LEF1: variants seen among roughly 807,000 people sequenced by gnomAD.
The protein encoded by LEF1 is lymphoid enhancer binding factor 1, also known as lymphoid enhancer-binding factor 1.
LEF1 carries 14 observed loss-of-function variants against 51.2 expected under a neutral mutation model. That is an observed-to-expected ratio of 0.27 (90% CI 0.18 to 0.43). The LOEUF (loss-of-function observed/expected upper bound fraction) is 0.43. Ranked by LOEUF, LEF1 falls within the 20% of genes least tolerant of loss-of-function variation. LEF1 has a pLI of 1.00. For synonymous variants in LEF1, 185 were observed against 183.2 expected (o/e 1.01, Z -0.08); for missense variants, 386 against 512.0 (o/e 0.75, Z 2.37).
chr4:108,080,287 C>G (rs931838823), intron 6 of LEF1, among the ~76,000 whole-genome samples: 2 of 152,134 alleles, frequency 1.3e-5, no homozygotes, highest in African/African-American at 2.4e-5. Context: ...CCAGCCAACA[C>G]AAAGGAGGGA....
chr4:108,128,230 G>A (rs1187494060), intron 3 of LEF1, among the ~76,000 whole-genome samples: 1 of 152,072 alleles, frequency 6.6e-6, no homozygotes, highest in Non-Finnish European at 1.5e-5. Context: ...TCTCACCAAG[G>A]AAATTTTACT....
chr4:108,160,616 T>TG (rs1745002901), intron 3 of LEF1, among the ~76,000 whole-genome samples: 1 of 152,216 alleles, frequency 6.6e-6, no homozygotes, highest in Non-Finnish European at 1.5e-5. Flanking sequence ...TAGAAGGATG[T>TG]AATTTGCCAA....
At chr4:108,123,117 T>C (rs1742281088) in intron 3 of LEF1, among the ~76,000 whole-genome samples, 1 of 152,234 alleles carries the variant, frequency 6.6e-6, no homozygotes, top group Admixed American at 6.5e-5. Context: ...GAGGCCTATA[T>C]AGTATGTGCT....
chr4:108,059,162 T>C (rs912983310), intron 11 of LEF1, among the ~76,000 whole-genome samples: 3 of 152,192 alleles, frequency 2.0e-5, no homozygotes, highest in African/African-American at 7.2e-5. Flanking sequence ...CATTTTTTAA[T>C]GCTCAAAAGT....
At chr4:108,087,832 C>T (rs1158321846) in intron 4 of LEF1, among the ~76,000 whole-genome samples, 2 of 152,156 alleles carry the variant, frequency 1.3e-5, no homozygotes, top group African/African-American at 4.8e-5. Flanking sequence ...TTCAAATTCA[C>T]CACGACCAAG....
chr4:108,080,455 CAATT>C (rs1227505855), intron 6 of LEF1, among the ~76,000 whole-genome samples: 3 of 152,178 alleles, frequency 2.0e-5, no homozygotes, highest in Admixed American at 1.3e-4. Flanking sequence ...ACAGCCTACA[CAATT>C]AATTTCCTTT....
chr4:108,054,768 C>T (rs1011004999), intron 11 of LEF1, among the ~76,000 whole-genome samples: 2 of 150,900 alleles, frequency 1.3e-5, no homozygotes, highest in African/African-American at 4.9e-5. Context: ...AATCCCAATA[C>T]AAAAAAAAAG....
intron 3 of LEF1, among the ~76,000 whole-genome samples, chr4:108,162,605 A>G (rs1207955477): frequency 6.6e-6 from 1 of 152,116 alleles, no homozygotes; most frequent in Non-Finnish European, 1.5e-5. Flanking sequence ...CCATTTTACA[A>G]TCTGAGATTT....
intron 9 of LEF1, among the ~76,000 whole-genome samples, chr4:108,070,212 T>C (rs760233999): frequency 5.3e-5 from 8 of 152,074 alleles, no homozygotes; most frequent in Non-Finnish European, 8.8e-5. Flanking sequence ...CACTGTGCCA[T>C]AACAGATAAA....
At chr4:108,162,820 C>T (rs147542901) in intron 3 of LEF1, among the ~76,000 whole-genome samples, 41 of 152,312 alleles carry the variant, frequency 2.7e-4, no homozygotes, top group African/African-American at 9.9e-4. Context: ...CATCTACATA[C>T]TACACAAGTT....
chr4:108,129,738 G>T (rs1742752122), intron 3 of LEF1, among the ~76,000 whole-genome samples: 1 of 152,106 alleles, frequency 6.6e-6, no homozygotes, highest in South Asian at 2.1e-4. Context: ...TCATACCTTG[G>T]CATTCTAATT....
intron 3 of LEF1, among the ~76,000 whole-genome samples, chr4:108,111,099 G>A (rs1741505299): frequency 6.6e-6 from 1 of 152,050 alleles, no homozygotes; most frequent in Non-Finnish European, 1.5e-5. Context: ...ATTTCCATAG[G>A]ATACACCAAA....
chr4:108,059,368 A>C (rs1257545374), intron 11 of LEF1, among the ~76,000 whole-genome samples: 1 of 152,222 alleles, frequency 6.6e-6, no homozygotes, highest in Admixed American at 6.5e-5. Context: ...CCTAGGTTGG[A>C]GTGCAGTGGT....
intron 3 of LEF1, among the ~76,000 whole-genome samples, chr4:108,121,418 A>T (rs1460438569): frequency 6.6e-6 from 1 of 152,220 alleles, no homozygotes; most frequent in African/African-American, 2.4e-5. Context: ...ACACTCTGAG[A>T]ATCTACCTAC....
At chr4:108,053,117 C>T (rs1217961185) in intron 11 of LEF1, among the ~76,000 whole-genome samples, 7 of 152,176 alleles carry the variant, frequency 4.6e-5, no homozygotes, top group Non-Finnish European at 1.0e-4. Context: ...AGGCAACAAC[C>T]CCTGTATCCT....
chr4:108,067,069 AGT>A (rs1372945192), intron 9 of LEF1, among the ~76,000 whole-genome samples: 1 of 152,248 alleles, frequency 6.6e-6, no homozygotes, highest in Non-Finnish European at 1.5e-5. Flanking sequence ...TTTAAAGAAC[AGT>A]ATCTTTAGAT....
At chr4:108,061,192 G>A (rs754158458) in intron 11 of LEF1, among the ~76,000 whole-genome samples, 5 of 152,098 alleles carry the variant, frequency 3.3e-5, no homozygotes, top group Non-Finnish European at 7.4e-5. Context: ...CCTCACCAGC[G>A]GCGGGATGGC....
intron 3 of LEF1, among the ~76,000 whole-genome samples, chr4:108,117,744 G>C (rs911511760): frequency 2.0e-5 from 3 of 152,168 alleles, no homozygotes; most frequent in Admixed American, 6.5e-5. Context: ...GAGGGGATCA[G>C]GGTGGGCGTG....
intron 8 of LEF1, among the ~76,000 whole-genome samples, chr4:108,073,376 C>T (rs1180230898): frequency 2.0e-5 from 3 of 152,090 alleles, no homozygotes; most frequent in Non-Finnish European, 4.4e-5. Context: ...TAGAGCAAGA[C>T]TCTGTCTCAA....
Sources: gnomAD v4.1 joint callset for allele counts (sites outside exome capture counted in the v4.1 genomes callset) on GRCh38, gnomAD v4.1.1 for gene constraint, MANE v1.5 for transcripts, NCBI Gene and HGNC (gene_info 2026-07-23, HGNC 2026-07-21) for gene names.